The following SUCLG2 variants were observed in gnomAD, a reference collection of about 807,000 sequenced individuals.
SUCLG2 encodes the protein succinate-CoA ligase GDP-forming subunit beta.
A neutral mutation model predicts 47.9 loss-of-function variants in SUCLG2; 42 were observed. The ratio of observed to expected loss-of-function variants is 0.88; its 90% CI spans 0.69 to 1.14. The LOEUF is 1.14. Among genes scored for constraint, SUCLG2 ranks in the 50% most tolerant of loss-of-function variants. SUCLG2 has a pLI of 0.00. For missense variants in SUCLG2, 571 were observed against 525.9 expected, an observed-to-expected ratio of 1.09 and a Z score of -0.84; for synonymous variants, 195 against 197.3, an observed-to-expected ratio of 0.99 and a Z score of 0.10.
At chr3:67,520,804 C>T (rs1229706995) in intron 4 of SUCLG2, among the ~76,000 whole-genome samples, 170 bp from the exon 5 acceptor site, 1 of 152,148 alleles carries the variant, frequency 6.6e-6, no homozygotes, top group African/African-American at 2.4e-5. Context: ...CACACAATGC[C>T]CATTTTCACC....
intron 9 of SUCLG2, among the ~76,000 whole-genome samples, chr3:67,473,765 C>G (rs530535495): frequency 3.9e-5 from 6 of 152,100 alleles, no homozygotes; most frequent in Admixed American, 3.3e-4. Context: ...CCAAGTGCAG[C>G]GATAAAGGTA....
chr3:67,624,316 T>G (rs1156742995), intron 1 of SUCLG2, among the ~76,000 whole-genome samples: 1 of 152,188 alleles, frequency 6.6e-6, no homozygotes, highest in East Asian at 1.9e-4. Flanking sequence ...ATCTGACATT[T>G]TGAATGTTCT....
chr3:67,551,596 G>A (rs1011865958), intron 2 of SUCLG2, among the ~76,000 whole-genome samples: 3 of 152,160 alleles, frequency 2.0e-5, no homozygotes, highest in African/African-American at 4.8e-5. Flanking sequence ...GTGGCAGCCT[G>A]GGAGGGAGGG....
rs1463159712 is a variant in SUCLG2 at position 67,408,729 on chromosome 3, T to A, written c.1063-7878A>T. On this transcript the variant is annotated intron_variant, in intron 9 of 10. Transcript: ENST00000307227. Reference sequence around the variant, plus strand: ...GAATAAGCAAAACTGTATGGAGGATTAAGGTTTATTGAGTGTTAATTTTCC... The same window carrying A: ...GAATAAGCAAAACTGTATGGAGGATAAAGGTTTATTGAGTGTTAATTTTCC... 3.1e-6 allele frequency: 4 copies of A among 1,301,712 alleles called. No homozygotes were observed. The African/African-American group carries it at 4.5e-5, about 15-fold the overall frequency. The allele number at this position is 1,301,712 out of a possible 1,614,324, so 80.6% of individuals were successfully genotyped here.
intron 9 of SUCLG2, among the ~76,000 whole-genome samples, chr3:67,470,011 C>G (rs367695172): frequency 5.8e-4 from 87 of 148,786 alleles, no homozygotes; most frequent in African/African-American, 2.0e-3. Flanking sequence ...CGCCATTGCA[C>G]TCCAGCATGG....
In SUCLG2 at chr3:67,375,712, C is replaced by G. The variant is rs922675077; in HGVS notation, c.*32G>C. The G allele has an allele frequency of 3.2e-6, 5 of 1,586,354 alleles. No individual in the cohort carries two copies. Among genetic ancestry groups the G allele is most frequent in the Non-Finnish European group, 4.3e-6 (5 of 1,166,646 alleles). On this transcript the variant is annotated 3_prime_UTR_variant, in exon 11 of 11. Coordinates refer to ENST00000307227, the MANE Select transcript of SUCLG2 (RefSeq NM_003848.4). ...ACCATCCCTTTTTACGGAAAAATGGCTTTCTTTCTCCATTGGATCAGGACA... is the reference window on the plus strand; with the variant it reads ...ACCATCCCTTTTTACGGAAAAATGGGTTTCTTTCTCCATTGGATCAGGACA...
rs114461557 is a variant in SUCLG2, at chr3:67,599,989, A to G, written c.226+9466T>C. On this transcript the variant is annotated intron_variant, in intron 2 of 10. Transcript: ENST00000307227. ...TATGAACATCTGTTAAACATTGCCA[A>G]TGCCTGTTACAACCACCTTGGGGAA... is the stretch of plus-strand genomic sequence containing the variant. 6.9e-3 allele frequency among the ~76,000 whole-genome samples: 1,044 copies of G among 152,356 alleles called. 12 individuals are homozygous for G. The highest frequency in any genetic ancestry group is 0.024 in the African/African-American group (990 of 41,574).
At chr3:67,361,337 T>C (rs1213683301) in intron 10 of SUCLG2, among the ~76,000 whole-genome samples, 2 of 152,060 alleles carry the variant, frequency 1.3e-5, no homozygotes, top group Non-Finnish European at 2.9e-5. Flanking sequence ...TCACGTTGAG[T>C]TTCTCACAGG....
chr3:67,393,825 T>A (rs552742070), intron 10 of SUCLG2, among the ~76,000 whole-genome samples: 10 of 152,152 alleles, frequency 6.6e-5, no homozygotes, highest in Middle Eastern at 3.4e-3. Flanking sequence ...GAGACAAAAC[T>A]TCCAGAGGAA....
chr3:67,563,794 C>T (rs1159851801), intron 2 of SUCLG2, among the ~76,000 whole-genome samples: 1 of 151,642 alleles, frequency 6.6e-6, no homozygotes, highest in Non-Finnish European at 1.5e-5. Context: ...CCCGTCTTTA[C>T]TAAAAATACA....
At chr3:67,483,756 T>C (rs1466036907) in intron 9 of SUCLG2, among the ~76,000 whole-genome samples, 1 of 152,206 alleles carries the variant, frequency 6.6e-6, no homozygotes, top group African/African-American at 2.4e-5. Flanking sequence ...AACTAGTAAC[T>C]GATTTCACAA....
At chr3:67,632,821 T>G (rs1700949698) in intron 1 of SUCLG2, among the ~76,000 whole-genome samples, 1 of 152,190 alleles carries the variant, frequency 6.6e-6, no homozygotes, top group Non-Finnish European at 1.5e-5. Context: ...CCTTAATCAC[T>G]TTGCTGCCAG....
At chr3:67,406,733 A>G (rs989984788) in intron 9 of SUCLG2, among the ~76,000 whole-genome samples, 1 of 152,200 alleles carries the variant, frequency 6.6e-6, no homozygotes, top group Non-Finnish European at 1.5e-5. Context: ...AGCAAACGCC[A>G]TGACAAAGAG....
chr3:67,402,052 C>T (rs1702696432), intron 9 of SUCLG2, among the ~76,000 whole-genome samples: 1 of 152,174 alleles, frequency 6.6e-6, no homozygotes, highest in African/African-American at 2.4e-5. Flanking sequence ...TGGCTGTGGC[C>T]AGGCCCAAAG....
intron 10 of SUCLG2, chr3:67,360,799 T>A (rs983526603): frequency 1.4e-5 from 21 of 1,483,798 alleles, no homozygotes; most frequent in African/African-American, 2.8e-5. Flanking sequence ...TTGTAATGAG[T>A]TTTTTCTTGC....
chr3:67,594,633 C>T (rs1708251341), intron 2 of SUCLG2, among the ~76,000 whole-genome samples: 2 of 152,218 alleles, frequency 1.3e-5, no homozygotes, highest in South Asian at 2.1e-4. Context: ...TTATACTCTG[C>T]ATCCTCACCA....
intron 2 of SUCLG2, among the ~76,000 whole-genome samples, chr3:67,606,138 G>C (rs541160658): frequency 6.6e-6 from 1 of 152,088 alleles, no homozygotes; most frequent in African/African-American, 2.4e-5. Context: ...CCAGGAGTTC[G>C]AGATTGCACT....
At chr3:67,580,411 A>G (rs561353240) in intron 2 of SUCLG2, among the ~76,000 whole-genome samples, 28 of 152,322 alleles carry the variant, frequency 1.8e-4, no homozygotes, top group Admixed American at 1.6e-3. Context: ...TTCATATTTT[A>G]TTTTTTGAAA....
chr3:67,397,256 C>T (rs1358685256), intron 10 of SUCLG2, among the ~76,000 whole-genome samples: 2 of 152,088 alleles, frequency 1.3e-5, no homozygotes, highest in Non-Finnish European at 1.5e-5. Context: ...GATGACATGA[C>T]TGTATATCTA....
Sources: allele counts gnomAD v4.1 joint callset (sites outside exome capture counted in the v4.1 genomes callset), GRCh38; gene constraint gnomAD v4.1.1; transcripts MANE v1.5; gene names NCBI Gene and HGNC (gene_info 2026-07-23, HGNC 2026-07-21).